TNPO3: variants seen among roughly 807,000 people sequenced by gnomAD.
The protein encoded by TNPO3 is transportin 3.
Under a neutral mutation model 122.8 loss-of-function variants are expected in TNPO3, and 65 were observed. The observed-to-expected ratio is 0.53, with a 90% CI of 0.43 to 0.65. The LOEUF is 0.65. TNPO3 is among the 30% of genes least tolerant of loss of function. The pLI, the probability that TNPO3 is intolerant of heterozygous loss-of-function variation, is 0.00. For synonymous variants in TNPO3, 372 were observed against 411.2 expected, an observed-to-expected ratio of 0.90 and a Z score of 1.15; for missense variants, 850 against 1,136.7, an observed-to-expected ratio of 0.75 and a Z score of 3.63.
chr7:128,986,923 A>G lies in TNPO3; in HGVS notation c.1499-3T>C. The G allele has an allele frequency of 6.2e-7, 1 of 1,601,386 alleles. No homozygotes were observed. Among genetic ancestry groups the G allele is most frequent in the Non-Finnish European group, 8.5e-7 (1 of 1,175,442 alleles). On this transcript the variant is annotated splice_polypyrimidine_tract_variant and splice_region_variant and intron_variant, in intron 11 of 22. Coordinates refer to ENST00000265388, the MANE Select transcript of TNPO3 (RefSeq NM_012470.4). Reference sequence around the variant, plus strand: ...CATCAAATAGCCCAACACAGGGTCTAAGAAGAAAAGCCAAGCAGAGATTAC... The same window carrying G: ...CATCAAATAGCCCAACACAGGGTCTGAGAAGAAAAGCCAAGCAGAGATTAC...
chr7:129,028,934 C>T, intron 1 of TNPO3: 1 of 434,776 alleles, frequency 2.3e-6, no homozygotes. Context: ...CACTTGCTTC[C>T]TTGATGAAGG....
intron 6 of TNPO3, 96 bp from the exon 7 acceptor site, chr7:129,000,663 G>A: frequency 8.1e-7 from 1 of 1,231,238 alleles, no homozygotes; most frequent in Non-Finnish European, 1.1e-6. Flanking sequence ...AGGTTCCTCA[G>A]TCTAAGGGAC....
chr7:129,041,092 T>C (rs1247104323), intron 1 of TNPO3, among the ~76,000 whole-genome samples: 1 of 152,200 alleles, frequency 6.6e-6, no homozygotes, highest in East Asian at 1.9e-4. Flanking sequence ...CAGCCAGGCA[T>C]GGTGGCTCAC....
chr7:128,962,821 T>TC, intron 21 of TNPO3, among the ~76,000 whole-genome samples: 1 of 151,846 alleles, frequency 6.6e-6, no homozygotes, highest in East Asian at 1.9e-4. Flanking sequence ...AGGTTTTTTT[T>TC]TTCCCCCACA....
intron 1 of TNPO3, among the ~76,000 whole-genome samples, chr7:129,031,032 C>T (rs34871361): frequency 0.09 from 13,739 of 152,232 alleles, 860 homozygotes; most frequent in South Asian, 0.15. Context: ...GCCTGTTAAT[C>T]CCAGCACTTT....
intron 1 of TNPO3, among the ~76,000 whole-genome samples, chr7:129,034,013 C>A (rs189599233): frequency 1.3e-5 from 2 of 151,274 alleles, no homozygotes; most frequent in African/African-American, 2.4e-5. Flanking sequence ...ATAGAAGCAA[C>A]CTAAATGCCC....
At chr7:128,980,824 C>T (rs1408202317) in intron 14 of TNPO3, among the ~76,000 whole-genome samples, 1 of 152,194 alleles carries the variant, frequency 6.6e-6, no homozygotes, top group Non-Finnish European at 1.5e-5. Context: ...CCAAGTATTG[C>T]TTCATTCCTT....
At chr7:129,005,262 A>C in intron 4 of TNPO3, 103 bp from the exon 5 acceptor site, 2 of 1,132,482 alleles carry the variant, frequency 1.8e-6, no homozygotes, top group African/African-American at 1.6e-5. Context: ...TGGCAATAAA[A>C]CAGCCAACGG....
intron 12 of TNPO3, among the ~76,000 whole-genome samples, chr7:128,984,549 T>A (rs1315077218): frequency 6.6e-6 from 1 of 152,242 alleles, no homozygotes; most frequent in Non-Finnish European, 1.5e-5. Flanking sequence ...TATTTTAAAA[T>A]GTATACCATA....
intron 1 of TNPO3, among the ~76,000 whole-genome samples, chr7:129,043,948 C>A (rs779682490): frequency 9.9e-5 from 15 of 152,200 alleles, no homozygotes; most frequent in Non-Finnish European, 2.2e-4. Flanking sequence ...CTATTTCTGC[C>A]TACCTGCTCA....
intron 4 of TNPO3, among the ~76,000 whole-genome samples, chr7:129,007,594 T>C (rs1802709719): frequency 6.6e-6 from 1 of 152,242 alleles, no homozygotes; most frequent in African/African-American, 2.4e-5. Flanking sequence ...CAGCTTGAAG[T>C]ATACATCATT....
chr7:129,054,928 G>C lies in TNPO3; in HGVS notation c.-158C>G. 1.1e-6 allele frequency: 1 copy of C among 919,944 alleles called. No individual in the cohort carries two copies. The highest frequency in any genetic ancestry group is 1.7e-5 in the South Asian group (1 of 59,360). 57.0% of individuals were successfully genotyped at this position (919,944 alleles called of 1,614,324 possible). On this transcript the variant is annotated 5_prime_UTR_variant, in exon 1 of 23. Transcript: ENST00000265388. ...CCGTTACCAGGGCAGAAGGCTCTCCGTGGAAGTTGCCCCCTCGGAAACAGC... is the reference window on the plus strand; with the variant it reads ...CCGTTACCAGGGCAGAAGGCTCTCCCTGGAAGTTGCCCCCTCGGAAACAGC...
chr7:128,957,060 G>A lies in TNPO3; in HGVS notation c.*31+164C>T, dbSNP rs1037709472. Among the ~76,000 whole-genome samples, 8 of 152,088 alleles carry A rather than the reference G, an allele frequency of 5.3e-5. 1 individual carries two copies. Among genetic ancestry groups the A allele is most frequent in the South Asian group, 4.1e-4 (2 of 4,826 alleles). ...TGGCTGCCCAGGCCCAAGAAAATCC[G>A]GGCCCTGTATATTCCAGCTGTTCAC... On this transcript the variant is annotated intron_variant, in intron 22 of 22. Coordinates refer to ENST00000265388, the MANE Select transcript of TNPO3 (RefSeq NM_012470.4).
At chr7:128,973,262 G>A (rs1798674982) in intron 18 of TNPO3, among the ~76,000 whole-genome samples, 1 of 152,110 alleles carries the variant, frequency 6.6e-6, no homozygotes, top group Non-Finnish European at 1.5e-5. Flanking sequence ...AATGCTGCTG[G>A]ATTTTGAAAG....
At chr7:129,056,166 G>A (rs1584602281), upstream of TNPO3, 2 of 914,910 alleles carry the variant, frequency 2.2e-6, no homozygotes, top group Non-Finnish European at 3.7e-6. Flanking sequence ...TGCGTATAAC[G>A]AGTTGGCCCG....
chr7:128,959,030 A>G (rs1402656911), intron 21 of TNPO3, among the ~76,000 whole-genome samples: 1 of 152,204 alleles, frequency 6.6e-6, no homozygotes, highest in Non-Finnish European at 1.5e-5. Context: ...AAAGAAAATG[A>G]GAAAGGTCTT....
At chr7:129,024,606 T>C (rs565576587) in intron 1 of TNPO3, among the ~76,000 whole-genome samples, 1 of 152,320 alleles carries the variant, frequency 6.6e-6, no homozygotes, top group South Asian at 2.1e-4. Context: ...ATTGAGCCTC[T>C]AGATCCAGCA....
chr7:129,037,609 C>A (rs1161404262), intron 1 of TNPO3, among the ~76,000 whole-genome samples: 3 of 152,116 alleles, frequency 2.0e-5, no homozygotes, highest in Admixed American at 1.3e-4. Context: ...AGACCACCTC[C>A]TTTGGTGGTG....
chr7:129,007,240 G>A (rs1802678294), intron 4 of TNPO3, among the ~76,000 whole-genome samples: 1 of 152,112 alleles, frequency 6.6e-6, no homozygotes, highest in Admixed American at 6.5e-5. Context: ...GGCACAGGTA[G>A]GAAACAGCAT....
Sources: allele counts gnomAD v4.1 joint callset (sites outside exome capture counted in the v4.1 genomes callset), GRCh38; gene constraint gnomAD v4.1.1; transcripts MANE v1.5; gene names NCBI Gene and HGNC (gene_info 2026-07-23, HGNC 2026-07-21).